The following COL11A2 variants were observed in gnomAD, a reference collection of about 807,000 sequenced individuals.
COL11A2 encodes collagen type XI alpha 2 chain, also known as collagen alpha-2(XI) chain.
Under a neutral mutation model 273.4 loss-of-function variants are expected in COL11A2, and 116 were observed. That is an observed-to-expected ratio of 0.42 (90% CI 0.36 to 0.49). COL11A2 has a LOEUF of 0.49. COL11A2 is among the 20% of genes least tolerant of loss of function. The pLI is 0.00. For synonymous variants in COL11A2, 782 were observed against 864.2 expected, an observed-to-expected ratio of 0.90 and a Z score of 1.67; for missense variants, 1,866 against 2,309.0, an observed-to-expected ratio of 0.81 and a Z score of 3.93.
Position 33,172,251 on chromosome 6 carries a change from G to A in COL11A2, c.2988+38C>T, listed in dbSNP as rs372636942. The A allele has an allele frequency of 5.6e-4, 884 of 1,586,838 alleles. 2 individuals are homozygous for A. Among genetic ancestry groups the A allele is most frequent in the Non-Finnish European group, 5.8e-4 (678 of 1,164,516 alleles). Reference sequence around the variant, plus strand: ...TCGGGGTGGGGACTCAGGATGCTTGGTGCTTGTGACAGGCAGGGGTCTGGG... The same window carrying A: ...TCGGGGTGGGGACTCAGGATGCTTGATGCTTGTGACAGGCAGGGGTCTGGG... On this transcript the variant is annotated intron_variant, in intron 40 of 65. Transcript: ENST00000341947.
Position 33,178,436 on chromosome 6 carries a change from C to T in COL11A2, c.1772G>A (p.Arg591Lys). The change falls in exon 19 of 66, where the codon AGG becomes AAG. Residue 591 changes from arginine (R) to lysine (K), a missense_variant and splice_region_variant. Arg to Lys is a conservative substitution (Grantham distance 26, BLOSUM62 2). Transcript: ENST00000341947. The surrounding 1 kb of genome is among the most constrained non-coding windows in gnomAD (Gnocchi z 4.6). Reference sequence around the variant, plus strand: ...CCCTACATTTGCCACTACACTTACCCTCTCTCCATCCTCACCAGGGGGACC... The same window carrying T: ...CCCTACATTTGCCACTACACTTACCTTCTCTCCATCCTCACCAGGGGGACC... ...LPGPPGEDGE[R>K]GDDGEIGPRG... The T allele has an allele frequency of 6.2e-7, 1 of 1,612,978 alleles. No homozygotes were observed. The highest frequency in any genetic ancestry group is 8.5e-7 in the Non-Finnish European group (1 of 1,180,000).
In COL11A2 at chr6:33,169,730, C is replaced by A; in HGVS notation, c.3690+101G>T. On this transcript the variant is annotated intron_variant, in intron 50 of 65. Coordinates refer to ENST00000341947, the MANE Select transcript of COL11A2 (RefSeq NM_080680.3). The surrounding 1 kb of genome is among the most constrained non-coding windows in gnomAD (Gnocchi z 5.5). ...GGATGGCAGGGAGCAGAGACTCTTG[C>A]TGCAGAGGAGTTCCAGCTCAAGGAG... 1.4e-6 allele frequency: 2 copies of A among 1,428,454 alleles called. No individual in the cohort carries two copies. The highest frequency in any genetic ancestry group is 2.3e-5 in the East Asian group (1 of 44,024). 88.5% of individuals were successfully genotyped at this position (1,428,454 alleles called of 1,614,324 possible). A position where few individuals can be genotyped will look rare whatever the true frequency, so the allele number is the denominator to read the frequency against.
At chr6:33,191,199 C>G (rs563060029) in intron 1 of COL11A2, among the ~76,000 whole-genome samples, 1 of 152,324 alleles carries the variant, frequency 6.6e-6, no homozygotes, top group Non-Finnish European at 1.5e-5. Context: ...AATTTCCTGG[C>G]CCTGGGCTTC....
chr6:33,169,006 A>T lies in COL11A2; in HGVS notation c.3801T>A (p.Gly1267=). ...TGDDGPKGNP[G]PVGFPGDPGP... ...CAGGGTCACCAGGAAAACCAACAGG[A>T]CCCTGATCCAGATGGAGAATAAGAG... is the stretch of plus-strand genomic sequence containing the variant. Residue 1267 remains glycine (G), a splice_region_variant and synonymous_variant, in exon 52 of 66, where the codon GGT becomes GGA. Coordinates refer to ENST00000341947, the MANE Select transcript of COL11A2 (RefSeq NM_080680.3). This position sits in a 1 kb window ranked among gnomAD's most constrained non-coding sequence, Gnocchi z 5.5. 6.2e-7 allele frequency: 1 copy of T among 1,606,484 alleles called. No homozygotes were observed. The highest frequency in any genetic ancestry group is 8.5e-7 in the Non-Finnish European group (1 of 1,176,808).
Position 33,176,872 on chromosome 6 carries a change from T to C in COL11A2, c.2071-107A>G. 1.3e-6 allele frequency: 2 copies of C among 1,535,720 alleles called. No homozygotes were observed. Among genetic ancestry groups the C allele is most frequent in the Non-Finnish European group, 8.9e-7 (1 of 1,125,824 alleles). On this transcript the variant is annotated intron_variant, in intron 25 of 65. Transcript: ENST00000341947. This position sits in a 1 kb window ranked among gnomAD's most constrained non-coding sequence, Gnocchi z 4.9. Reference sequence around the variant, plus strand: ...TTTCCTGTGACCTAGTGAAGCCAACTGTCCATGGACAAGCACCACCAGTGA... The same window carrying C: ...TTTCCTGTGACCTAGTGAAGCCAACCGTCCATGGACAAGCACCACCAGTGA...
Position 33,176,006 on chromosome 6 carries a change from C to T in COL11A2, c.2268+10G>A, listed in dbSNP as rs762018086. The T allele has an allele frequency of 1.2e-6, 2 of 1,613,000 alleles. No homozygotes were observed. Among genetic ancestry groups the T allele is most frequent in the South Asian group, 1.1e-5 (1 of 91,080 alleles). On this transcript the variant is annotated intron_variant, in intron 29 of 65. Transcript: ENST00000341947. The surrounding 1 kb of genome is among the most constrained non-coding windows in gnomAD (Gnocchi z 4.9). ...CACGGAATTGGGGCCAGTGTGGGGT[C>T]TCTACTCACCCTGTCACCTTTCACG...
chr6:33,168,814 C>A, intron 52 of COL11A2, 55 bp from the exon 53 acceptor site: 1 of 1,602,134 alleles, frequency 6.2e-7, no homozygotes, highest in Non-Finnish European at 8.5e-7. Flanking sequence ...GGCATCACCT[C>A]CAAAACTGTC....
Position 33,164,751 on chromosome 6 carries a change from G to A in COL11A2, c.4863+101C>T, listed in dbSNP as rs1023583380. ...GGAGAAGGGGTGGCAGGCTCCGGGGGGGGCAACAGCCAGGGGACTGTCACC... is the reference window on the plus strand; with the variant it reads ...GGAGAAGGGGTGGCAGGCTCCGGGGAGGGCAACAGCCAGGGGACTGTCACC... On this transcript the variant is annotated intron_variant, in intron 64 of 65. Transcript: ENST00000341947. This position sits in a 1 kb window ranked among gnomAD's most constrained non-coding sequence, Gnocchi z 4.7. The A allele has an allele frequency of 1.2e-5, 12 of 1,025,320 alleles. No individual in the cohort carries two copies. In the Admixed American group the frequency reaches 1.8e-4, roughly 16 times the overall value. 63.5% of individuals were successfully genotyped at this position (1,025,320 alleles called of 1,614,324 possible). A position where few individuals can be genotyped will look rare whatever the true frequency, so the allele number is the denominator to read the frequency against.
Position 33,164,176 on chromosome 6 carries a change from C to T in COL11A2, c.5070+91G>A, listed in dbSNP as rs890308001. 9.7e-6 allele frequency: 14 copies of T among 1,447,970 alleles called. No homozygotes were observed. The African/African-American group carries it at 1.4e-4, about 14-fold the overall frequency. 89.7% of individuals were successfully genotyped at this position (1,447,970 alleles called of 1,614,324 possible). On this transcript the variant is annotated intron_variant, in intron 65 of 65. Coordinates refer to ENST00000341947, the MANE Select transcript of COL11A2 (RefSeq NM_080680.3). The surrounding 1 kb of genome is among the most constrained non-coding windows in gnomAD (Gnocchi z 4.7). The stretch of plus-strand genomic sequence containing the variant: ...CAGCAGGACGGACTCCTCCCTGCTC[C>T]CCCTGGGTGCCCTGCCCAAGGGGTC...
chr6:33,189,069 G>C lies in COL11A2; in HGVS notation c.352C>G (p.Arg118Gly), dbSNP rs1433241638. 11 of 1,614,190 alleles carry C rather than the reference G, an allele frequency of 6.8e-6. No individual in the cohort carries two copies. Among genetic ancestry groups the C allele is most frequent in the Non-Finnish European group, 9.3e-6 (11 of 1,180,026 alleles). ...GVRQLGLELG[R>G]PVRFLYEDQT... ...TCTTCATACAGGAAGCGGACAGGTC[G>C]GCCCAGCTCCAGGCCCAGCTGTCGG... Residue 118 changes from arginine (R) to glycine (G), a missense_variant, in exon 3 of 66, where the codon CGA becomes GGA. Physicochemically the swap from Arg to Gly is moderately radical, Grantham distance 125. Coordinates refer to ENST00000341947, the MANE Select transcript of COL11A2 (RefSeq NM_080680.3). This position sits in a 1 kb window ranked among gnomAD's most constrained non-coding sequence, Gnocchi z 5.6.
rs1772683041 is a variant in COL11A2 at position 33,188,435 on chromosome 6, C to A, written c.533G>T (p.Ser178Ile). ...ATGGGTGTCCAATACTGGACGAGCACTTCGGGGGAGAGGCCGGGTGACTCG... is the reference window on the plus strand; with the variant it reads ...ATGGGTGTCCAATACTGGACGAGCAATTCGGGGGAGAGGCCGGGTGACTCG... ...KKRVTRPLPR[S>I]ARPVLDTHGV... Residue 178 changes from serine (S) to isoleucine (I), a missense_variant, in exon 4 of 66, where the codon AGT becomes ATT. Coordinates refer to ENST00000341947, the MANE Select transcript of COL11A2 (RefSeq NM_080680.3). 6.2e-7 allele frequency: 1 copy of A among 1,612,914 alleles called. No homozygotes were observed. Among genetic ancestry groups the A allele is most frequent in the African/African-American group, 1.3e-5 (1 of 74,910 alleles).
chr6:33,183,232 G>A (rs920961899), intron 8 of COL11A2, among the ~76,000 whole-genome samples: 3 of 152,194 alleles, frequency 2.0e-5, no homozygotes, highest in Admixed American at 6.5e-5. Flanking sequence ...TGCCAGGGCC[G>A]AAGAAAATTA....
chr6:33,165,006 C>T lies in COL11A2; in HGVS notation c.4751-42G>A, dbSNP rs752053190. ...AGGGGAGGTCAGGGCCACCTAGGTC[C>T]AGGCTCCAAGATGCTCTTTGCCCCC... On this transcript the variant is annotated intron_variant, in intron 63 of 65. Transcript: ENST00000341947. The surrounding 1 kb of genome is among the most constrained non-coding windows in gnomAD (Gnocchi z 7.7). 2.0e-6 allele frequency: 3 copies of T among 1,480,668 alleles called. No individual in the cohort carries two copies. The highest frequency in any genetic ancestry group is 2.8e-6 in the Non-Finnish European group (3 of 1,082,584). The allele number at this position is 1,480,668 out of a possible 1,614,324, so 91.7% of individuals were successfully genotyped here. A position where few individuals can be genotyped will look rare whatever the true frequency, so the allele number is the denominator to read the frequency against.
rs1055660137 is a variant in COL11A2 at position 33,165,075 on chromosome 6, C to T, written c.4751-111G>A. ...CAGCCCTCCCCATCATGCTCTTAGT[C>T]TCCTGGTCCTCCTCCCTCCCAGAGC... On this transcript the variant is annotated intron_variant, in intron 63 of 65. Transcript: ENST00000341947. This position sits in a 1 kb window ranked among gnomAD's most constrained non-coding sequence, Gnocchi z 7.7. 2.6e-6 allele frequency: 2 copies of T among 772,576 alleles called. No homozygotes were observed. Among genetic ancestry groups the T allele is most frequent in the Non-Finnish European group, 4.4e-6 (2 of 453,384 alleles). 47.9% of individuals were successfully genotyped at this position (772,576 alleles called of 1,614,324 possible).
chr6:33,163,669 G>A lies in COL11A2; in HGVS notation c.*9C>T. On this transcript the variant is annotated 3_prime_UTR_variant, in exon 66 of 66. Transcript: ENST00000341947. The surrounding 1 kb of genome is among the most constrained non-coding windows in gnomAD (Gnocchi z 4.1). ...GGTTCCGAATGGACAGGATCAGACA[G>A]AGACGGTCCTATCCCATGAAGCAGA... is the stretch of plus-strand genomic sequence containing the variant. 3 of 1,612,836 alleles carry A rather than the reference G, an allele frequency of 1.9e-6. No homozygotes were observed. The highest frequency in any genetic ancestry group is 2.7e-5 in the African/African-American group (2 of 75,034).
At chr6:33,175,964 G>T (rs1583331401) in intron 29 of COL11A2, 52 bp downstream of exon 29, 4 of 1,601,924 alleles carry the variant, frequency 2.5e-6, no homozygotes, top group Non-Finnish European at 2.6e-6. Context: ...CGTCTCCAGA[G>T]TGGAGGCTCA....
rs576235181 is a variant in COL11A2 at position 33,165,805 on chromosome 6, G to A, written c.4494C>T (p.Gly1498=). 1.8e-5 allele frequency: 29 copies of A among 1,613,336 alleles called. No individual in the cohort carries two copies. Among genetic ancestry groups the A allele is most frequent in the South Asian group, 1.5e-4 (14 of 91,076 alleles). Residue 1498 remains glycine, a synonymous_variant, in exon 63 of 66, where the codon GGC becomes GGT. Transcript: ENST00000341947. The surrounding 1 kb of genome is among the most constrained non-coding windows in gnomAD (Gnocchi z 7.7). ...GAATGGGCAGTGGCTGGATCACCTC[G>A]CCTGGGGGACCCTGGGTGCAGGGAC... is the stretch of plus-strand genomic sequence containing the variant. ...QGPPGHPGPP[G]EVIQPLPIQM...
rs1466550637 is a variant in COL11A2 at position 33,175,642 on chromosome 6, G to A, written c.2308C>T (p.Pro770Ser). ...CCAGTGCGTCCCTTTGGCCCCTCAG[G>A]ACCATCCTCTCCCCTGGAACCAGGG... ...GVPGSRGEDG[P>S]EGPKGRTGPT... Residue 770 changes from proline to serine, a missense_variant, in exon 30 of 66, where the codon CCT (proline) becomes TCT (serine). Pro to Ser is a moderately conservative substitution (Grantham distance 74). Coordinates refer to ENST00000341947, the MANE Select transcript of COL11A2 (RefSeq NM_080680.3). 1 of 1,612,838 alleles carries A rather than the reference G, an allele frequency of 6.2e-7. No homozygotes were observed. Among genetic ancestry groups the A allele is most frequent in the African/African-American group, 1.3e-5 (1 of 74,880 alleles).
Position 33,163,606 on chromosome 6 carries a change from T to G in COL11A2, c.*72A>C. ...GATAGTGAGGAGCCCTCTTGGGAGGTGGCACAGAGCTGATGTTGTGGGATT... is the reference window on the plus strand; with the variant it reads ...GATAGTGAGGAGCCCTCTTGGGAGGGGGCACAGAGCTGATGTTGTGGGATT... On this transcript the variant is annotated 3_prime_UTR_variant, in exon 66 of 66. Transcript: ENST00000341947. This position sits in a 1 kb window ranked among gnomAD's most constrained non-coding sequence, Gnocchi z 4.1. The G allele has an allele frequency of 6.2e-7, 1 of 1,609,452 alleles. No individual in the cohort carries two copies. The highest frequency in any genetic ancestry group is 8.5e-7 in the Non-Finnish European group (1 of 1,177,038).
Sources: gnomAD v4.1 joint callset for allele counts (sites outside exome capture counted in the v4.1 genomes callset) on GRCh38, gnomAD v4.1.1 for gene constraint, Gnocchi (gnomAD v3.1) non-coding constraint, MANE v1.5 for transcripts, NCBI Gene and HGNC (gene_info 2026-07-23, HGNC 2026-07-21) for gene names.